The following NIBAN2 variants were observed in gnomAD, a reference collection of about 807,000 sequenced individuals.
NIBAN2 encodes niban apoptosis regulator 2, also known as protein Niban 2.
A neutral mutation model predicts 81.8 loss-of-function variants in NIBAN2; 36 were observed. That is an observed-to-expected ratio of 0.44 (90% CI 0.34 to 0.58). NIBAN2 has a LOEUF of 0.58. Among genes scored for constraint, NIBAN2 ranks in the 20% least tolerant of loss-of-function variants. NIBAN2 has a pLI of 0.02. For missense variants in NIBAN2, 897 were observed against 1,014.1 expected, an observed-to-expected ratio of 0.88 and a Z score of 1.57; for synonymous variants, 445 against 441.6, an observed-to-expected ratio of 1.01 and a Z score of -0.10.
upstream of NIBAN2, among the ~76,000 whole-genome samples, chr9:127,572,109 C>T (rs1564323941): frequency 6.6e-6 from 1 of 152,104 alleles, no homozygotes; most frequent in Non-Finnish European, 1.5e-5. Flanking sequence ...AACATGGACT[C>T]AGTGCAGCCT....
intron 8 of NIBAN2, among the ~76,000 whole-genome samples, chr9:127,514,814 A>G (rs1367936442): frequency 6.6e-6 from 1 of 152,198 alleles, no homozygotes; most frequent in East Asian, 1.9e-4. Flanking sequence ...AGAAATGTCA[A>G]TGCTCAGTGT....
At position 127,506,879 on chromosome 9, in the gene NIBAN2, G is replaced by A; in HGVS notation, c.2207C>T (p.Thr736Ile). Reference protein sequence around the residue: ...PSSHPALHTTTEDSAGVQTEF With the variant: ...PSSHPALHTTIEDSAGVQTEF ...AGTCTGCACCCCTGCACTGTCCTCG[G>A]TGGTGGTGTGGAGGGCGGGGTGGCT... Residue 736 changes from threonine to isoleucine, a missense_variant, in exon 14 of 14, where the codon ACC (threonine) becomes ATC (isoleucine). Transcript: ENST00000373312. 2.5e-6 allele frequency: 4 copies of A among 1,612,692 alleles called. No individual in the cohort carries two copies. The highest frequency in any genetic ancestry group is 3.4e-6 in the Non-Finnish European group (4 of 1,179,510).
At chr9:127,568,388 G>T (rs937784545) in intron 1 of NIBAN2, among the ~76,000 whole-genome samples, 1 of 152,282 alleles carries the variant, frequency 6.6e-6, no homozygotes, top group South Asian at 2.1e-4. Flanking sequence ...AGCTGGGGAC[G>T]GGACGGCTGG....
In NIBAN2 at chr9:127,536,812, T is replaced by C. The variant is rs1226669172; in HGVS notation, c.56-5034A>G. 6.6e-6 allele frequency among the ~76,000 whole-genome samples: 1 copy of C among 152,144 alleles called. No homozygotes were observed. Among genetic ancestry groups the C allele is most frequent in the Admixed American group, 6.5e-5 (1 of 15,268 alleles). On this transcript the variant is annotated intron_variant, in intron 1 of 13. Coordinates refer to ENST00000373312, the MANE Select transcript of NIBAN2 (RefSeq NM_022833.4). This position sits in a 1 kb window ranked among gnomAD's most constrained non-coding sequence, Gnocchi z 4.0. Reference sequence around the variant, plus strand: ...ACCCTCCTGGTCCTAGCTCTGGCCATTGTCTACAGGGCCCCACAGGCCCCC... The same window carrying C: ...ACCCTCCTGGTCCTAGCTCTGGCCACTGTCTACAGGGCCCCACAGGCCCCC...
intron 1 of NIBAN2, among the ~76,000 whole-genome samples, chr9:127,576,748 A>ATT (rs61415622): frequency 0.028 from 4,044 of 145,528 alleles, 146 homozygotes; most frequent in African/African-American, 0.08. Context: ...CCTCGTCTCT[A>ATT]TTTTTTTTTT....
chr9:127,518,311 A>T (rs1449040422), intron 5 of NIBAN2, among the ~76,000 whole-genome samples: 1 of 152,196 alleles, frequency 6.6e-6, no homozygotes, highest in East Asian at 1.9e-4. Context: ...GGAGTGGCAG[A>T]GCCAGGACTA....
chr9:127,527,949 C>G (rs1051720926), intron 2 of NIBAN2, among the ~76,000 whole-genome samples: 1 of 152,178 alleles, frequency 6.6e-6, no homozygotes, highest in Non-Finnish European at 1.5e-5. Flanking sequence ...ATGTCTGACC[C>G]GCGTCCTGGC....
intron 5 of NIBAN2, among the ~76,000 whole-genome samples, chr9:127,520,748 G>C (rs1260474559): frequency 1.3e-5 from 2 of 152,100 alleles, no homozygotes; most frequent in East Asian, 1.9e-4. Flanking sequence ...GCCAGGTGTG[G>C]TGGCACACGC....
rs1332068766 is a variant in NIBAN2, at chr9:127,508,584, G to C, written c.1318-46C>G. The C allele has an allele frequency of 2.0e-6, 3 of 1,508,696 alleles. No individual in the cohort carries two copies. The East Asian group carries it at 6.8e-5, about 34-fold the overall frequency. The allele number at this position is 1,508,696 out of a possible 1,614,324, so 93.5% of individuals were successfully genotyped here. On this transcript the variant is annotated intron_variant, in intron 10 of 13. Transcript: ENST00000373312. The surrounding 1 kb of genome is among the most constrained non-coding windows in gnomAD (Gnocchi z 6.4). ...ATGTGAAGCCCCCAGGGTGACCACA[G>C]CCCCTTCCTGGGTGCCGCTGAGGGG...
intron 1 of NIBAN2, among the ~76,000 whole-genome samples, chr9:127,534,167 T>G (rs1444859814): frequency 1.3e-5 from 2 of 152,246 alleles, no homozygotes; most frequent in South Asian, 4.1e-4. Context: ...CCCCATGCAC[T>G]GAGAGGCTGC....
chr9:127,525,206 G>T (rs745413455), intron 3 of NIBAN2, 43 bp from the exon 4 acceptor site: 1 of 1,504,774 alleles, frequency 6.6e-7, no homozygotes, highest in Non-Finnish European at 9.2e-7. Flanking sequence ...TTAAGGTGCG[G>T]CCAAGCCCAA....
At chr9:127,575,385 G>A (rs1190929274) in intron 1 of NIBAN2, among the ~76,000 whole-genome samples, 2 of 151,634 alleles carry the variant, frequency 1.3e-5, no homozygotes, top group East Asian at 1.9e-4. Context: ...CTGCCACCAC[G>A]CCTGGCTAAT....
intron 3 of NIBAN2, among the ~76,000 whole-genome samples, chr9:127,526,776 C>A (rs1308172267): frequency 6.6e-6 from 1 of 152,096 alleles, no homozygotes; most frequent in African/African-American, 2.4e-5. Context: ...GGCAAGCCAC[C>A]GCAAGGAATG....
intron 1 of NIBAN2, among the ~76,000 whole-genome samples, chr9:127,552,218 G>A (rs753784066): frequency 3.3e-5 from 5 of 152,170 alleles, no homozygotes; most frequent in Admixed American, 1.3e-4. Flanking sequence ...CAAACCATGC[G>A]GAATCAATGG....
At chr9:127,521,657 G>T (rs879657292) in intron 5 of NIBAN2, among the ~76,000 whole-genome samples, 16 of 151,960 alleles carry the variant, frequency 1.1e-4, no homozygotes, top group African/African-American at 3.6e-4. Context: ...CAGTCCGCAG[G>T]GTGGAAGGAA....
chr9:127,547,964 T>C (rs1238023937), intron 1 of NIBAN2, among the ~76,000 whole-genome samples: 2 of 152,222 alleles, frequency 1.3e-5, no homozygotes, highest in Non-Finnish European at 2.9e-5. Context: ...GTGTTATCAA[T>C]GGCAGTGATG....
intron 1 of NIBAN2, among the ~76,000 whole-genome samples, chr9:127,533,113 G>A (rs948111030): frequency 7.9e-5 from 12 of 151,648 alleles, no homozygotes; most frequent in South Asian, 4.2e-4. Context: ...AACCAAGATC[G>A]TACCACTACA....
At chr9:127,557,444 C>T (rs1042597105) in intron 1 of NIBAN2, among the ~76,000 whole-genome samples, 3 of 152,124 alleles carry the variant, frequency 2.0e-5, no homozygotes, top group African/African-American at 7.2e-5. Context: ...GAGCTGGACT[C>T]CCAGAAGCCA....
At chr9:127,560,774 TG>T (rs1303349195) in intron 1 of NIBAN2, among the ~76,000 whole-genome samples, 1 of 152,190 alleles carries the variant, frequency 6.6e-6, no homozygotes, top group Non-Finnish European at 1.5e-5. Flanking sequence ...CTACGTGTGT[TG>T]GGGGCCAGAG....
Sources: gnomAD v4.1 joint callset for allele counts (sites outside exome capture counted in the v4.1 genomes callset) on GRCh38, gnomAD v4.1.1 for gene constraint, Gnocchi (gnomAD v3.1) non-coding constraint, MANE v1.5 for transcripts, NCBI Gene and HGNC (gene_info 2026-07-23, HGNC 2026-07-21) for gene names.